Variants in ADAMTSL1 observed in about 807,000 individuals in gnomAD.
ADAMTSL1 encodes ADAMTS like 1.
ADAMTSL1 carries 126 observed loss-of-function variants against 201.8 expected under a neutral mutation model. That is an observed-to-expected ratio of 0.62 (90% CI 0.54 to 0.72). The LOEUF (loss-of-function observed/expected upper bound fraction) is 0.72. Ranked by LOEUF, ADAMTSL1 falls within the 30% of genes least tolerant of loss-of-function variation. The probability of loss-of-function intolerance (pLI) is 0.00; values close to 1 mark genes in which losing one functional copy is unlikely to be tolerated. For synonymous variants in ADAMTSL1, 1,121 were observed against 903.4 expected (o/e 1.24, Z -4.32); for missense variants, 2,679 against 2,277.8 (o/e 1.18, Z -3.59).
chr9:18,232,474 T>C (rs1944753), intron 2 of ADAMTSL1, among the ~76,000 whole-genome samples: 16,776 of 152,240 alleles, frequency 0.11, 1,010 homozygotes, highest in Middle Eastern at 0.2. Flanking sequence ...TACCCACTTA[T>C]CTTGTTTATT....
At chr9:18,719,583 C>T (rs533559914) in intron 14 of ADAMTSL1, among the ~76,000 whole-genome samples, 12 of 152,306 alleles carry the variant, frequency 7.9e-5, no homozygotes, top group East Asian at 1.9e-4. Flanking sequence ...AGGCTGGTCT[C>T]GAACTCCTGA....
intron 14 of ADAMTSL1, among the ~76,000 whole-genome samples, chr9:18,721,178 T>C (rs942814802): frequency 6.6e-6 from 1 of 152,190 alleles, no homozygotes; most frequent in Non-Finnish European, 1.5e-5. Context: ...TTTGGGCCCC[T>C]TTTTTGCCAC....
At position 18,017,765 on chromosome 9, in the gene ADAMTSL1, A is replaced by G. The variant is rs145752088; in HGVS notation, c.87+110843A>G. 5.4e-3 allele frequency among the ~76,000 whole-genome samples: 815 copies of G among 151,994 alleles called. 11 individuals carry two copies. The highest frequency in any genetic ancestry group is 0.048 in the South Asian group (232 of 4,824). Reference sequence around the variant, plus strand: ...AACTTCCCAAATTCCACCCTAGTTTATGTGGTTCTGTTTCTTTCCCTGCCG... The same window carrying G: ...AACTTCCCAAATTCCACCCTAGTTTGTGTGGTTCTGTTTCTTTCCCTGCCG... On this transcript the variant is annotated intron_variant, in intron 1 of 29. Transcript: ENST00000680146.
intron 1 of ADAMTSL1, among the ~76,000 whole-genome samples, chr9:18,059,678 G>T (rs916835337): frequency 6.6e-6 from 1 of 152,140 alleles, no homozygotes; most frequent in African/African-American, 2.4e-5. Flanking sequence ...ACTCTTGAAT[G>T]ATTGCTCTTG....
chr9:18,536,023 T>C (rs1345044639), intron 3 of ADAMTSL1, among the ~76,000 whole-genome samples: 2 of 152,178 alleles, frequency 1.3e-5, no homozygotes, highest in African/African-American at 4.8e-5. Flanking sequence ...TTATAGCTTG[T>C]AGAATCAAGT....
At chr9:18,856,000 C>T (rs1162834159) in intron 23 of ADAMTSL1, among the ~76,000 whole-genome samples, 1 of 152,194 alleles carries the variant, frequency 6.6e-6, no homozygotes, top group Non-Finnish European at 1.5e-5. Flanking sequence ...CTTAATTCTT[C>T]TCCTTGTAAT....
intron 2 of ADAMTSL1, among the ~76,000 whole-genome samples, chr9:18,429,498 A>G (rs1819386440): frequency 6.6e-6 from 1 of 152,194 alleles, no homozygotes; most frequent in Non-Finnish European, 1.5e-5. Context: ...TTTCTAAACC[A>G]AAACTTTGAC....
intron 5 of ADAMTSL1, among the ~76,000 whole-genome samples, chr9:18,627,869 C>T (rs1429064082): frequency 2.6e-5 from 4 of 152,172 alleles, no homozygotes; most frequent in Admixed American, 2.0e-4. Context: ...CATTAGTCTA[C>T]TTACCACAGT....
At chr9:18,213,956 C>G (rs760625404) in intron 2 of ADAMTSL1, among the ~76,000 whole-genome samples, 11 of 152,078 alleles carry the variant, frequency 7.2e-5, no homozygotes, top group Non-Finnish European at 1.3e-4. Context: ...AGGCTGGTCT[C>G]GAACTCCTGA....
intron 2 of ADAMTSL1, among the ~76,000 whole-genome samples, chr9:18,235,588 G>A (rs1422548818): frequency 6.6e-6 from 1 of 152,174 alleles, no homozygotes; most frequent in Non-Finnish European, 1.5e-5. Context: ...CAGACATTGG[G>A]CTAAGTAATC....
chr9:18,633,049 C>G (rs192189939), intron 5 of ADAMTSL1, among the ~76,000 whole-genome samples: 35 of 152,250 alleles, frequency 2.3e-4, no homozygotes, highest in African/African-American at 8.4e-4. Flanking sequence ...TATTAATGTT[C>G]CAGTTTATGG....
At chr9:18,251,006 T>C (rs941567899) in intron 2 of ADAMTSL1, among the ~76,000 whole-genome samples, 2 of 151,760 alleles carry the variant, frequency 1.3e-5, no homozygotes, top group African/African-American at 2.4e-5. Flanking sequence ...CAGATCTCAA[T>C]GAAGAAATAG....
At position 18,805,463 on chromosome 9, in the gene ADAMTSL1, G is replaced by A. The variant is rs183944426; in HGVS notation, c.3805+9939G>A. On this transcript the variant is annotated intron_variant, in intron 20 of 28. Coordinates refer to ENST00000380548, the MANE Select transcript of ADAMTSL1 (RefSeq NM_001040272.6). ...AGTTTTGCCATTGTGTTATAGCAGA[G>A]ATAGTGCTGGTGATAGCTAGCATTT... Among the ~76,000 whole-genome samples the A allele has an allele frequency of 9.2e-5, 14 of 152,356 alleles. 1 individual carries two copies. In the East Asian group the frequency reaches 2.7e-3, roughly 29 times the overall value.
intron 13 of ADAMTSL1, among the ~76,000 whole-genome samples, chr9:18,706,430 TGAG>T (rs1832236735): frequency 6.6e-6 from 1 of 151,872 alleles, no homozygotes; most frequent in South Asian, 2.1e-4. Flanking sequence ...GAATTTAGAG[TGAG>T]GAGAAGAAAC....
intron 2 of ADAMTSL1, among the ~76,000 whole-genome samples, chr9:18,382,024 T>C (rs902844177): frequency 6.6e-6 from 1 of 152,234 alleles, no homozygotes; most frequent in Non-Finnish European, 1.5e-5. Context: ...TCCTGATTGC[T>C]TCTGCTTCTC....
chr9:18,299,148 A>G (rs1833599269), intron 2 of ADAMTSL1, among the ~76,000 whole-genome samples: 1 of 152,186 alleles, frequency 6.6e-6, no homozygotes, highest in Non-Finnish European at 1.5e-5. Context: ...ATAGAGGAAC[A>G]GTCTTAGAGG....
At chr9:18,187,902 C>A (rs867858819) in intron 2 of ADAMTSL1, among the ~76,000 whole-genome samples, 1 of 152,018 alleles carries the variant, frequency 6.6e-6, no homozygotes, top group Non-Finnish European at 1.5e-5. Flanking sequence ...TCCCGTGTTT[C>A]AAAAAATTTA....
chr9:18,181,917 G>T (rs149755992), intron 2 of ADAMTSL1, among the ~76,000 whole-genome samples: 7,482 of 152,194 alleles, frequency 0.049, 219 homozygotes, highest in African/African-American at 0.084. Context: ...ACTGGATTAA[G>T]AAAATGTGGC....
At chr9:18,743,793 C>T (rs1029022773) in intron 15 of ADAMTSL1, among the ~76,000 whole-genome samples, 1 of 152,146 alleles carries the variant, frequency 6.6e-6, no homozygotes, top group Non-Finnish European at 1.5e-5. Context: ...TCTAATATCT[C>T]CTTTGATCTT....
Sources: gnomAD v4.1 joint callset for allele counts (sites outside exome capture counted in the v4.1 genomes callset) on GRCh38, gnomAD v4.1.1 for gene constraint, MANE v1.5 for transcripts, NCBI Gene and HGNC (gene_info 2026-07-23, HGNC 2026-07-21) for gene names.